Variants in ZPLD1 observed in about 807,000 individuals in gnomAD.
ZPLD1 encodes zona pellucida-like domain-containing protein 1.
Under a neutral mutation model 47.2 loss-of-function variants are expected in ZPLD1, and 34 were observed. The ratio of observed to expected loss-of-function variants is 0.72; its 90% CI spans 0.55 to 0.96. The LOEUF (loss-of-function observed/expected upper bound fraction) is 0.96. ZPLD1 is among the 40% of genes least tolerant of loss of function. The pLI is 0.00. For synonymous variants in ZPLD1, 176 were observed against 186.2 expected, an observed-to-expected ratio of 0.95 and a Z score of 0.45; for missense variants, 512 against 505.8, an observed-to-expected ratio of 1.01 and a Z score of -0.12.
intron 7 of ZPLD1, among the ~76,000 whole-genome samples, chr3:102,398,880 A>G (rs542210428): frequency 8.5e-4 from 80 of 94,138 alleles, no homozygotes; most frequent in East Asian, 4.5e-3. Flanking sequence ...GTGCGCACGC[A>G]CACACACACA....
intron 3 of ZPLD1, among the ~76,000 whole-genome samples, chr3:102,447,658 A>T (rs9861348): frequency 0.42 from 63,693 of 152,036 alleles, 14,118 homozygotes; most frequent in African/African-American, 0.53. Flanking sequence ...ACTGAGATGA[A>T]CTGAAAATGA....
intron 2 of ZPLD1, 93 bp from the exon 3 acceptor site, chr3:102,438,387 C>T: frequency 1.2e-6 from 1 of 823,470 alleles, no homozygotes; most frequent in South Asian, 1.6e-5. Context: ...ACTGCTTATC[C>T]AACAGTGAGC....
intron 7 of ZPLD1, among the ~76,000 whole-genome samples, chr3:102,393,710 A>T (rs1706527315): frequency 6.6e-6 from 1 of 152,084 alleles, no homozygotes; most frequent in Non-Finnish European, 1.5e-5. Context: ...GTTGGTAAAA[A>T]TTTTATTAGA....
At chr3:102,414,817 A>G (rs748381416) in intron 7 of ZPLD1, among the ~76,000 whole-genome samples, 2 of 151,894 alleles carry the variant, frequency 1.3e-5, no homozygotes, top group Admixed American at 6.6e-5. Context: ...TATGAACAAT[A>G]TATCAGTATT....
At chr3:102,442,104 A>T (rs1707188168) in intron 3 of ZPLD1, among the ~76,000 whole-genome samples, 1 of 152,228 alleles carries the variant, frequency 6.6e-6, no homozygotes, top group Non-Finnish European at 1.5e-5. Context: ...AAGGATTAAT[A>T]CACACTTCAA....
intron 6 of ZPLD1, among the ~76,000 whole-genome samples, chr3:102,460,648 A>G (rs1707491970): frequency 6.6e-6 from 1 of 151,996 alleles, no homozygotes. Flanking sequence ...GATATAATTG[A>G]TTTTAGGGAC....
intron 7 of ZPLD1, among the ~76,000 whole-genome samples, chr3:102,395,003 C>A (rs1346058592): frequency 6.6e-6 from 1 of 152,106 alleles, no homozygotes; most frequent in African/African-American, 2.4e-5. Context: ...AGATTAGAAA[C>A]TGAGTATAAA....
intron 3 of ZPLD1, among the ~76,000 whole-genome samples, chr3:102,440,374 G>T (rs988284016): frequency 2.0e-5 from 3 of 152,260 alleles, no homozygotes; most frequent in African/African-American, 7.2e-5. Context: ...AGACTCAGCA[G>T]AAATGGAGAA....
chr3:102,414,636 T>C (rs1196901523), intron 7 of ZPLD1, among the ~76,000 whole-genome samples: 1 of 151,834 alleles, frequency 6.6e-6, no homozygotes, highest in African/African-American at 2.4e-5. Context: ...GTTCCTGGAA[T>C]TGATCATGTG....
intron 3 of ZPLD1, among the ~76,000 whole-genome samples, chr3:102,445,727 C>A (rs892791): frequency 1.3e-5 from 2 of 152,028 alleles, no homozygotes; most frequent in African/African-American, 4.8e-5. Flanking sequence ...GTTACAAAAC[C>A]ACACAGTATT....
At chr3:102,462,212 GTTGTT>G in intron 6 of ZPLD1, 64 bp from the exon 7 acceptor site, 1 of 929,660 alleles carries the variant, frequency 1.1e-6, no homozygotes, top group Non-Finnish European at 1.7e-6. Flanking sequence ...CTCTAATATT[GTTGTT>G]TTAAGTAGTA....
At chr3:102,452,801 A>AATATAT (rs1238175139) in intron 3 of ZPLD1, 118 bp from the exon 4 acceptor site, 36 of 1,151,802 alleles carry the variant, frequency 3.1e-5, no homozygotes, top group Non-Finnish European at 4.2e-5. Context: ...TGGTGTATCA[A>AATATAT]ATATAAAAAT....
intron 7 of ZPLD1, among the ~76,000 whole-genome samples, chr3:102,396,239 A>G (rs1706556022): frequency 6.6e-6 from 1 of 152,110 alleles, no homozygotes; most frequent in South Asian, 2.1e-4. Flanking sequence ...AACATTGTCT[A>G]TATCTTTTGC....
chr3:102,388,051 G>A (rs377123884), intron 6 of ZPLD1, among the ~76,000 whole-genome samples: 3 of 151,706 alleles, frequency 2.0e-5, no homozygotes, highest in African/African-American at 7.3e-5. Context: ...TAGTAGAGAC[G>A]GGGTTTCACC....
intron 3 of ZPLD1, among the ~76,000 whole-genome samples, chr3:102,449,165 CTG>C (rs2107331702): frequency 6.6e-6 from 1 of 152,330 alleles, no homozygotes; most frequent in African/African-American, 2.4e-5. Flanking sequence ...TTTGTCCCCT[CTG>C]TGTTATAAAA....
At chr3:102,472,556 T>A (rs1368028808) in intron 10 of ZPLD1, among the ~76,000 whole-genome samples, 2 of 151,862 alleles carry the variant, frequency 1.3e-5, no homozygotes, top group Non-Finnish European at 2.9e-5. Context: ...AAAGACTGGT[T>A]TGTAGCTTGT....
At chr3:102,464,315 G>T in intron 8 of ZPLD1, 64 bp downstream of exon 8, 1 of 1,136,530 alleles carries the variant, frequency 8.8e-7, no homozygotes, top group Non-Finnish European at 1.3e-6. Flanking sequence ...AATTGAAATG[G>T]AATATCTAAG....
chr3:102,405,316 C>T (rs1392748908), intron 7 of ZPLD1, among the ~76,000 whole-genome samples: 1 of 151,932 alleles, frequency 6.6e-6, no homozygotes, highest in Non-Finnish European at 1.5e-5. Flanking sequence ...AGTTACCTTG[C>T]CCTATTTATA....
chr3:102,403,116 T>C (rs1706642461), intron 7 of ZPLD1, among the ~76,000 whole-genome samples: 1 of 151,960 alleles, frequency 6.6e-6, no homozygotes, highest in South Asian at 2.1e-4. Flanking sequence ...AGTGCACAAA[T>C]AGCAGCTTTA....
Sources: gnomAD v4.1 joint callset for allele counts (sites outside exome capture counted in the v4.1 genomes callset) on GRCh38, gnomAD v4.1.1 for gene constraint, MANE v1.5 for transcripts, NCBI Gene and HGNC (gene_info 2026-07-23, HGNC 2026-07-21) for gene names.